INTS4: variants seen among roughly 807,000 people sequenced by gnomAD.
INTS4 encodes integrator complex subunit 4.
In INTS4, 70 loss-of-function variants were observed where a neutral mutation model predicts 119.5. The ratio of observed to expected loss-of-function variants is 0.59; its 90% CI spans 0.48 to 0.71. The LOEUF is 0.71. Among genes scored for constraint, INTS4 ranks in the 30% least tolerant of loss-of-function variants. The probability of loss-of-function intolerance (pLI) is 0.00; values close to 1 mark genes in which losing one functional copy is unlikely to be tolerated. For missense variants in INTS4, 867 were observed against 1,173.2 expected, an observed-to-expected ratio of 0.74 and a Z score of 3.81; for synonymous variants, 316 against 419.6, an observed-to-expected ratio of 0.75 and a Z score of 3.02.
At chr11:77,929,581 A>C (rs1162845196) in intron 10 of INTS4, among the ~76,000 whole-genome samples, 1 of 152,228 alleles carries the variant, frequency 6.6e-6, no homozygotes, top group East Asian at 1.9e-4. Context: ...AAGATTCAGC[A>C]ATGTGGATTC....
At chr11:77,905,590 A>G (rs982263818) in intron 16 of INTS4, among the ~76,000 whole-genome samples, 2 of 152,210 alleles carry the variant, frequency 1.3e-5, no homozygotes, top group Non-Finnish European at 2.9e-5. Flanking sequence ...GTGTACACAA[A>G]ATGTTGAAAC....
At chr11:77,908,921 T>C (rs1401407663) in intron 15 of INTS4, among the ~76,000 whole-genome samples, 5 of 152,250 alleles carry the variant, frequency 3.3e-5, no homozygotes, top group Non-Finnish European at 7.3e-5. Context: ...CTAATTGAAC[T>C]CTGATTTTGT....
chr11:77,878,466 G>C (rs1454808996), downstream of INTS4, among the ~76,000 whole-genome samples: 1 of 152,078 alleles, frequency 6.6e-6, no homozygotes, highest in East Asian at 1.9e-4. Context: ...TTCTTAGCAA[G>C]GTTAACACAT....
intron 8 of INTS4, among the ~76,000 whole-genome samples, chr11:77,949,071 C>T (rs1299815259): frequency 2.0e-5 from 3 of 151,872 alleles, no homozygotes; most frequent in Admixed American, 1.3e-4. Context: ...ACTGTGCAAT[C>T]GCGGAACCGC....
intron 2 of INTS4, 78 bp from the exon 3 acceptor site, chr11:77,981,654 TC>T: frequency 1.6e-6 from 1 of 613,700 alleles, no homozygotes; most frequent in East Asian, 2.9e-5. Flanking sequence ...AAAACTAACA[TC>T]CCAAAAGAGA....
chr11:77,947,546 A>C (rs193292828), intron 8 of INTS4, among the ~76,000 whole-genome samples: 4 of 152,356 alleles, frequency 2.6e-5, no homozygotes, highest in Admixed American at 2.0e-4. Flanking sequence ...AATCACTATC[A>C]TAAAAACACA....
intron 8 of INTS4, among the ~76,000 whole-genome samples, chr11:77,943,210 G>A (rs919480842): frequency 5.9e-5 from 9 of 152,166 alleles, no homozygotes; most frequent in Admixed American, 2.6e-4. Context: ...CAGCAGCACA[G>A]AGGGAGTGCT....
In INTS4 at chr11:77,928,380, G is replaced by A. The variant is rs554082325; in HGVS notation, c.1333C>T (p.Arg445Ter). The change falls in exon 11 of 23, where the codon CGA becomes TGA. Residue 445 changes from arginine (R) to a stop codon, truncating the protein, a stop_gained. Transcript: ENST00000534064. LOFTEE classifies it high-confidence loss of function. ...AGGACAGTGTCAAGCTGATCTTCTC[G>A]GAGGGTGATGTTGTTAGAGATTTTT... ...MRKISNNITLREDQLDTVLAV... is the reference protein window; with the variant it reads ...MRKISNNITL 8.1e-5 allele frequency: 131 copies of A among 1,613,012 alleles called. No homozygotes were observed. The highest frequency in any genetic ancestry group is 1.2e-4 in the Admixed American group (7 of 59,942).
rs1016836086 is a variant in INTS4 at position 77,903,440 on chromosome 11, G to T, written c.2097+100C>A. 9 of 1,606,776 alleles carry T rather than the reference G, an allele frequency of 5.6e-6. No homozygotes were observed. In the African/African-American group the frequency reaches 1.2e-4, roughly 22 times the overall value. ...TACATGCCACAACTTTTCCTGCAAGGCCTACACAGACAGAGCTATAGGAAG... is the reference window on the plus strand; with the variant it reads ...TACATGCCACAACTTTTCCTGCAAGTCCTACACAGACAGAGCTATAGGAAG... On this transcript the variant is annotated intron_variant, in intron 17 of 22. Coordinates refer to ENST00000534064, the MANE Select transcript of INTS4 (RefSeq NM_033547.4).
At chr11:77,985,368 T>G (rs1055760336) in intron 2 of INTS4, among the ~76,000 whole-genome samples, 1 of 152,218 alleles carries the variant, frequency 6.6e-6, no homozygotes, top group African/African-American at 2.4e-5. Context: ...GCTGCATTTC[T>G]TCTAATGTGA....
intron 15 of INTS4, among the ~76,000 whole-genome samples, chr11:77,910,646 T>A (rs977572452): frequency 6.6e-6 from 1 of 152,168 alleles, no homozygotes. Flanking sequence ...GAATAGTTAA[T>A]ACATACTTAA....
chr11:77,876,128 T>C (rs1404881212), downstream of INTS4, among the ~76,000 whole-genome samples: 1 of 151,738 alleles, frequency 6.6e-6, no homozygotes, highest in Non-Finnish European at 1.5e-5. Context: ...GGAAGAGGAA[T>C]CTAAAGGACT....
intron 2 of INTS4, among the ~76,000 whole-genome samples, chr11:77,985,169 C>G (rs1168954334): frequency 6.6e-6 from 1 of 152,180 alleles, no homozygotes; most frequent in African/African-American, 2.4e-5. Flanking sequence ...AACTTACAGT[C>G]TTCTAATTGG....
At chr11:77,875,380 G>A (rs1352422641), downstream of INTS4, among the ~76,000 whole-genome samples, 2 of 152,178 alleles carry the variant, frequency 1.3e-5, no homozygotes, top group African/African-American at 4.8e-5. Flanking sequence ...GACATGTTTT[G>A]TTTGTCTCAG....
At chr11:77,953,453 A>G (rs1755752128) in intron 8 of INTS4, among the ~76,000 whole-genome samples, 1 of 152,220 alleles carries the variant, frequency 6.6e-6, no homozygotes, top group Non-Finnish European at 1.5e-5. Context: ...TATGAGAGAT[A>G]TTAGAACCCC....
intron 4 of INTS4, among the ~76,000 whole-genome samples, chr11:77,975,446 C>T (rs899563966): frequency 6.6e-6 from 1 of 151,478 alleles, no homozygotes; most frequent in African/African-American, 2.4e-5. Flanking sequence ...TACTTTGTAT[C>T]TTTTCCATCA....
At chr11:77,963,017 C>T (rs530579195) in intron 4 of INTS4, among the ~76,000 whole-genome samples, 8 of 152,070 alleles carry the variant, frequency 5.3e-5, no homozygotes, top group East Asian at 1.9e-4. Flanking sequence ...TGTCTCAAAC[C>T]GCGCCCCCTA....
chr11:77,941,062 A>T, intron 9 of INTS4, 118 bp downstream of exon 9: 1 of 1,363,074 alleles, frequency 7.3e-7, no homozygotes, highest in Non-Finnish European at 9.7e-7. Flanking sequence ...ATTAAAATGT[A>T]ATACAGTTAT....
intron 4 of INTS4, among the ~76,000 whole-genome samples, chr11:77,970,908 T>C (rs2136615442): frequency 6.6e-6 from 1 of 152,092 alleles, no homozygotes; most frequent in East Asian, 1.9e-4. Flanking sequence ...ACCTCCCAGG[T>C]TCGAGCCTCA....
Sources: gnomAD v4.1 joint callset for allele counts (sites outside exome capture counted in the v4.1 genomes callset) on GRCh38, gnomAD v4.1.1 for gene constraint, MANE v1.5 for transcripts, NCBI Gene and HGNC (gene_info 2026-07-23, HGNC 2026-07-21) for gene names.